Variants in RPH3A observed in about 807,000 individuals in gnomAD.
RPH3A encodes the protein rabphilin 3A.
A neutral mutation model predicts 102.2 loss-of-function variants in RPH3A; 48 were observed. That is an observed-to-expected ratio of 0.47 (90% CI 0.37 to 0.60). The LOEUF (loss-of-function observed/expected upper bound fraction) is 0.60. Among genes scored for constraint, RPH3A ranks in the 20% least tolerant of loss-of-function variants. The probability of loss-of-function intolerance (pLI) is 0.00; values close to 1 mark genes in which losing one functional copy is unlikely to be tolerated. For missense variants in RPH3A, 781 were observed against 910.1 expected (o/e 0.86, Z 1.83); for synonymous variants, 310 against 324.3 (o/e 0.96, Z 0.47).
At chr12:112,648,137 T>A (rs2039945034) in intron 1 of RPH3A, among the ~76,000 whole-genome samples, 1 of 152,186 alleles carries the variant, frequency 6.6e-6, no homozygotes, top group Non-Finnish European at 1.5e-5. Flanking sequence ...TTTTAGTGTA[T>A]TTCCCACTTG....
At chr12:112,606,118 AC>A (rs2135971426) in intron 1 of RPH3A, among the ~76,000 whole-genome samples, 1 of 151,926 alleles carries the variant, frequency 6.6e-6, no homozygotes, top group East Asian at 1.9e-4. Flanking sequence ...CTTCCCTTCC[AC>A]AAGCTGTGAC....
At position 112,895,800 on chromosome 12, in the gene RPH3A, C is replaced by A; in HGVS notation, c.1881C>A (p.His627Gln). The A allele has an allele frequency of 1.2e-6, 2 of 1,613,934 alleles. No homozygotes were observed. The highest frequency in any genetic ancestry group is 1.7e-6 in the Non-Finnish European group (2 of 1,179,840). ...FNEEFFYDIK[H>Q]SDLAKKSLDI... ...AGGAGTTTTTCTATGACATCAAACA[C>A]AGTGACCTGGCAAAGAAGTCACTGG... The change falls in exon 21 of 22, where the codon CAC becomes CAA. Residue 627 changes from histidine (H) to glutamine (Q), a missense_variant. Physicochemically the swap from His to Gln is conservative, Grantham distance 24 (BLOSUM62 0). Transcript: ENST00000389385.
At chr12:112,634,710 G>A (rs2039836113) in intron 1 of RPH3A, among the ~76,000 whole-genome samples, 1 of 152,150 alleles carries the variant, frequency 6.6e-6, no homozygotes, top group South Asian at 2.1e-4. Flanking sequence ...CAATTTGGGG[G>A]CACAGCATTA....
At chr12:112,894,984 G>A (rs1441950921) in intron 20 of RPH3A, among the ~76,000 whole-genome samples, 2 of 151,676 alleles carry the variant, frequency 1.3e-5, no homozygotes, top group Non-Finnish European at 2.9e-5. Flanking sequence ...TTGGGGGTGG[G>A]GGTTCTTCTT....
chr12:112,848,308 A>G (rs2136190656), intron 5 of RPH3A, among the ~76,000 whole-genome samples: 1 of 152,294 alleles, frequency 6.6e-6, no homozygotes, highest in South Asian at 2.1e-4. Flanking sequence ...AGAGTAGGTA[A>G]AAAAGAGTGT....
intron 1 of RPH3A, among the ~76,000 whole-genome samples, chr12:112,755,658 A>G (rs1565871107): frequency 6.6e-6 from 1 of 152,040 alleles, no homozygotes; most frequent in Non-Finnish European, 1.5e-5. Context: ...CTTGAATGAA[A>G]AGGGAGGAAC....
intron 1 of RPH3A, among the ~76,000 whole-genome samples, chr12:112,649,994 G>T (rs1024785790): frequency 6.6e-6 from 1 of 152,126 alleles, no homozygotes; most frequent in Non-Finnish European, 1.5e-5. Flanking sequence ...GCATTCTGAG[G>T]TCCTAGGGTT....
intron 1 of RPH3A, among the ~76,000 whole-genome samples, chr12:112,593,217 G>A (rs757866185): frequency 3.3e-5 from 5 of 152,180 alleles, no homozygotes; most frequent in African/African-American, 7.2e-5. Flanking sequence ...GAAAGGGGAT[G>A]CTCACCGGAA....
chr12:112,837,429 CT>C (rs111870872), intron 4 of RPH3A, among the ~76,000 whole-genome samples: 1 of 151,062 alleles, frequency 6.6e-6, no homozygotes, highest in East Asian at 1.9e-4. Context: ...ACTTTTTCAG[CT>C]TTTTTTTTGG....
intron 1 of RPH3A, among the ~76,000 whole-genome samples, chr12:112,737,137 A>C (rs1195520224): frequency 6.7e-6 from 1 of 148,924 alleles, no homozygotes; most frequent in African/African-American, 2.5e-5. Flanking sequence ...CCTGGGTGAC[A>C]GAATGAGACC....
At chr12:112,772,160 T>C (rs2040931213) in intron 1 of RPH3A, among the ~76,000 whole-genome samples, 1 of 152,204 alleles carries the variant, frequency 6.6e-6, no homozygotes, top group Non-Finnish European at 1.5e-5. Context: ...CCCCGGGTTT[T>C]ATCCTGTGAG....
intron 2 of RPH3A, among the ~76,000 whole-genome samples, chr12:112,815,176 C>A (rs894606873): frequency 1.3e-5 from 2 of 152,192 alleles, no homozygotes; most frequent in Non-Finnish European, 2.9e-5. Context: ...TGCTGGTGCT[C>A]ACACACGGGT....
At chr12:112,820,561 A>G (rs1190753917) in intron 2 of RPH3A, among the ~76,000 whole-genome samples, 2 of 152,192 alleles carry the variant, frequency 1.3e-5, no homozygotes, top group East Asian at 3.8e-4. Context: ...GGTGTTTGGG[A>G]GAGTTCAATG....
chr12:112,653,053 T>C (rs1449058251), intron 1 of RPH3A, among the ~76,000 whole-genome samples: 2 of 152,134 alleles, frequency 1.3e-5, no homozygotes, highest in Non-Finnish European at 2.9e-5. Context: ...TTTGTGTATC[T>C]AAACATATCT....
chr12:112,830,519 C>G (rs1270975544), intron 3 of RPH3A, among the ~76,000 whole-genome samples: 1 of 152,108 alleles, frequency 6.6e-6, no homozygotes, highest in Non-Finnish European at 1.5e-5. Context: ...TAAGGTCACT[C>G]ACATATCAAA....
chr12:112,732,763 G>A (rs931952283), intron 1 of RPH3A, among the ~76,000 whole-genome samples: 19 of 152,266 alleles, frequency 1.2e-4, no homozygotes, highest in African/African-American at 4.3e-4. Flanking sequence ...GTTGAGTATG[G>A]GCCACCCTGG....
At chr12:112,578,005 G>T (rs1469129092) in intron 1 of RPH3A, among the ~76,000 whole-genome samples, 1 of 152,100 alleles carries the variant, frequency 6.6e-6, no homozygotes, top group African/African-American at 2.4e-5. Context: ...CCTGCCTCAG[G>T]CAAGAAATCT....
At chr12:112,784,083 A>G (rs1389822051) in intron 1 of RPH3A, among the ~76,000 whole-genome samples, 1 of 152,138 alleles carries the variant, frequency 6.6e-6, no homozygotes, top group Non-Finnish European at 1.5e-5. Flanking sequence ...TTATGAATTC[A>G]TTCATTTTCC....
intron 5 of RPH3A, among the ~76,000 whole-genome samples, chr12:112,855,171 T>A (rs1316999774): frequency 6.6e-6 from 1 of 152,196 alleles, no homozygotes. Flanking sequence ...CAAATCCAGC[T>A]CTTCCACCCT....
Sources: gnomAD v4.1 joint callset for allele counts (sites outside exome capture counted in the v4.1 genomes callset) on GRCh38, gnomAD v4.1.1 for gene constraint, MANE v1.5 for transcripts, NCBI Gene and HGNC (gene_info 2026-07-23, HGNC 2026-07-21) for gene names.